Variants in AKR1B10 observed in about 807,000 individuals in gnomAD.
The protein encoded by AKR1B10 is aldo-keto reductase family 1 member B10, also known as ARP.
AKR1B10 carries 39 observed loss-of-function variants against 38.9 expected under a neutral mutation model. The observed-to-expected ratio is 1.00, with a 90% CI of 0.78 to 1.31. AKR1B10 has a LOEUF of 1.31. Ranked by LOEUF, AKR1B10 falls within the 50% of genes most tolerant of loss-of-function variation. The probability of loss-of-function intolerance (pLI) is 0.00; values close to 1 mark genes in which losing one functional copy is unlikely to be tolerated. For synonymous variants in AKR1B10, 148 were observed against 141.2 expected, an observed-to-expected ratio of 1.05 and a Z score of -0.34; for missense variants, 361 against 382.6, an observed-to-expected ratio of 0.94 and a Z score of 0.47.
At chr7:134,531,841 G>A (rs1020660699) in intron 2 of AKR1B10, 67 bp from the exon 3 acceptor site, 6 of 1,579,374 alleles carry the variant, frequency 3.8e-6, no homozygotes, top group South Asian at 2.2e-5. Flanking sequence ...CAAAAAGCAG[G>A]GACAATGAGT....
At chr7:134,532,135 A>C in intron 3 of AKR1B10, 111 bp downstream of exon 3, 1 of 1,283,094 alleles carries the variant, frequency 7.8e-7, no homozygotes, top group Non-Finnish European at 1.1e-6. Context: ...CTTGCATTTC[A>C]TAATTGGGAA....
chr7:134,537,517 G>A (rs1179515954), intron 6 of AKR1B10, 63 bp from the exon 7 acceptor site: 28 of 1,543,112 alleles, frequency 1.8e-5, no homozygotes, highest in Non-Finnish European at 2.5e-5. Flanking sequence ...CCTCATTGGA[G>A]TGGTGTCCTT....
chr7:134,533,109 C>A, intron 4 of AKR1B10, 28 bp downstream of exon 4: 2 of 1,547,174 alleles, frequency 1.3e-6, no homozygotes, highest in Non-Finnish European at 8.7e-7. Context: ...TCTAAGTGTG[C>A]TGGGAGAGAA....
rs370413628 is a variant in AKR1B10, at chr7:134,537,568, T to G, written c.660-12T>G. 7.3e-5 allele frequency: 118 copies of G among 1,613,012 alleles called. No individual in the cohort carries two copies. Among genetic ancestry groups the G allele is most frequent in the Non-Finnish European group, 9.4e-5 (111 of 1,179,576 alleles). On this transcript the variant is annotated splice_polypyrimidine_tract_variant and intron_variant, in intron 6 of 9. Coordinates refer to ENST00000359579, the MANE Select transcript of AKR1B10 (RefSeq NM_020299.5). Reference sequence around the variant, plus strand: ...ATGGTGATTATTCACATCAGCATCTTTCTGCCCCTAGGGCCAAGCCAGAAG... The same window carrying G: ...ATGGTGATTATTCACATCAGCATCTGTCTGCCCCTAGGGCCAAGCCAGAAG...
At chr7:134,539,494 G>A (rs372677148) in intron 9 of AKR1B10, among the ~76,000 whole-genome samples, 4 of 152,126 alleles carry the variant, frequency 2.6e-5, no homozygotes, top group East Asian at 1.9e-4. Context: ...GATAGGAAGC[G>A]GTGGGTGGTA....
At chr7:134,535,604 T>C (rs1807977577) in intron 4 of AKR1B10, 2 of 964,388 alleles carry the variant, frequency 2.1e-6, no homozygotes, top group Non-Finnish European at 2.5e-6. Flanking sequence ...TTTTTTTTTT[T>C]TTTTCTTTTG....
chr7:134,540,789 G>A (rs1246926431), intron 9 of AKR1B10, among the ~76,000 whole-genome samples: 1 of 152,112 alleles, frequency 6.6e-6, no homozygotes, highest in Non-Finnish European at 1.5e-5. Context: ...CACCTCGCCT[G>A]ACACCAGGCT....
At chr7:134,531,204 G>A (rs1807847543) in intron 2 of AKR1B10, among the ~76,000 whole-genome samples, 1 of 152,084 alleles carries the variant, frequency 6.6e-6, no homozygotes, top group African/African-American at 2.4e-5. Context: ...TCTCAGCCAG[G>A]GGGAATTTTA....
chr7:134,535,773 C>G (rs1219569226), intron 4 of AKR1B10: 2 of 797,346 alleles, frequency 2.5e-6, no homozygotes, highest in African/African-American at 3.8e-5. Context: ...GGAACTCTAG[C>G]ACTTTAATTG....
chr7:134,538,022 G>A (rs936408031), intron 7 of AKR1B10, 172 bp from the exon 8 acceptor site: 11 of 699,834 alleles, frequency 1.6e-5, no homozygotes, highest in Non-Finnish European at 2.5e-5. Flanking sequence ...TAAGGTGAAG[G>A]GAGAGAAAGA....
At chr7:134,540,523 A>G (rs1808124120) in intron 9 of AKR1B10, among the ~76,000 whole-genome samples, 1 of 152,124 alleles carries the variant, frequency 6.6e-6, no homozygotes, top group Non-Finnish European at 1.5e-5. Context: ...CAACTTTAAC[A>G]CTGGTTTATT....
chr7:134,532,089 C>G, intron 3 of AKR1B10, 65 bp downstream of exon 3: 1 of 1,589,504 alleles, frequency 6.3e-7, no homozygotes, highest in Non-Finnish European at 8.6e-7. Context: ...GTAGCTGCAC[C>G]AGGGCTGTGG....
intron 4 of AKR1B10, among the ~76,000 whole-genome samples, chr7:134,535,297 G>A (rs1305030722): frequency 6.6e-6 from 1 of 151,938 alleles, no homozygotes; most frequent in Non-Finnish European, 1.5e-5. Flanking sequence ...TTTTTAAGAA[G>A]AGAAAGCTAA....
chr7:134,540,187 C>A (rs866016140), intron 9 of AKR1B10, among the ~76,000 whole-genome samples: 1 of 151,958 alleles, frequency 6.6e-6, no homozygotes, highest in Admixed American at 6.6e-5. Flanking sequence ...CACTGCACTC[C>A]ATCCTGGGTG....
At position 134,536,190 on chromosome 7, in the gene AKR1B10, CCTGA is replaced by C. The variant is rs369168744; in HGVS notation, c.430-457_430-454del. Reference sequence around the variant, plus strand: ...GCTTCTCCGTATGCTGCAGCCTCTTCCTGACTAACACAGCTTGCCCAGGTTTGGG... The same window carrying C: ...GCTTCTCCGTATGCTGCAGCCTCTTCCTAACACAGCTTGCCCAGGTTTGGG... On this transcript the variant is annotated intron_variant, in intron 4 of 9. Transcript: ENST00000359579. Among the ~76,000 whole-genome samples, 391 of 152,374 alleles carry C rather than the reference CCTGA, an allele frequency of 2.6e-3. 2 individuals carry two copies. Among genetic ancestry groups the C allele is most frequent in the African/African-American group, 9.1e-3 (377 of 41,594 alleles).
chr7:134,539,738 T>C (rs1362434348), intron 9 of AKR1B10, among the ~76,000 whole-genome samples: 1 of 152,116 alleles, frequency 6.6e-6, no homozygotes, highest in African/African-American at 2.4e-5. Flanking sequence ...CTTAGATAAG[T>C]GGTGAAAAAA....
intron 4 of AKR1B10, among the ~76,000 whole-genome samples, chr7:134,536,149 A>C (rs1004076438): frequency 3.3e-5 from 5 of 152,210 alleles, no homozygotes; most frequent in African/African-American, 1.2e-4. Flanking sequence ...AGAGGGACTC[A>C]GGACCCACAA....
chr7:134,536,219 G>A (rs569943968), intron 4 of AKR1B10, among the ~76,000 whole-genome samples: 2 of 152,334 alleles, frequency 1.3e-5, no homozygotes, highest in South Asian at 2.1e-4. Flanking sequence ...CCAGGTTTGG[G>A]TGTGCAATGC....
intron 7 of AKR1B10, 51 bp downstream of exon 7, chr7:134,537,712 C>G: frequency 6.3e-7 from 1 of 1,598,602 alleles, no homozygotes; most frequent in Non-Finnish European, 8.6e-7. Context: ...CTTCCAGTCT[C>G]GTGTTTCATA....
Sources: allele counts gnomAD v4.1 joint callset (sites outside exome capture counted in the v4.1 genomes callset), GRCh38; gene constraint gnomAD v4.1.1; transcripts MANE v1.5; gene names NCBI Gene and HGNC (gene_info 2026-07-23, HGNC 2026-07-21).